The following TCF7L2 variants were observed in gnomAD, a reference collection of about 807,000 sequenced individuals.
TCF7L2 encodes the protein transcription factor 7 like 2.
A neutral mutation model predicts 77.9 loss-of-function variants in TCF7L2; 23 were observed. That is an observed-to-expected ratio of 0.30 (90% CI 0.21 to 0.42). TCF7L2 has a LOEUF of 0.42. Ranked by LOEUF, TCF7L2 falls within the 10% of genes least tolerant of loss-of-function variation. The pLI is 1.00. For missense variants in TCF7L2, 654 were observed against 793.1 expected, an observed-to-expected ratio of 0.82 and a Z score of 2.11; for synonymous variants, 413 against 340.2, an observed-to-expected ratio of 1.21 and a Z score of -2.36.
In TCF7L2 at chr10:113,080,476, C is replaced by A. The variant is rs192539497; in HGVS notation, c.552+40350C>A. 9.2e-5 allele frequency among the ~76,000 whole-genome samples: 14 copies of A among 152,192 alleles called. No homozygotes were observed. In the East Asian group the frequency reaches 1.5e-3, roughly 17 times the overall value. ...GGGGCAAGTATTGGAACCAAGGTTG[C>A]CAGCGAATGGGGCTGGCAAGTCTTT... On this transcript the variant is annotated intron_variant, in intron 5 of 13. Coordinates refer to ENST00000627217, the MANE Select transcript of TCF7L2 (RefSeq NM_001146274.2).
At chr10:113,083,035 G>C (rs2059464668) in intron 5 of TCF7L2, among the ~76,000 whole-genome samples, 1 of 152,076 alleles carries the variant, frequency 6.6e-6, no homozygotes, top group Non-Finnish European at 1.5e-5. Context: ...TTTGCCTTCT[G>C]TTTGGAGCCT....
intron 5 of TCF7L2, among the ~76,000 whole-genome samples, chr10:113,049,771 T>C (rs1301241564): frequency 3.3e-5 from 5 of 152,138 alleles, no homozygotes; most frequent in African/African-American, 4.8e-5. Flanking sequence ...TGTCACTTGA[T>C]GAAGAGGTGG....
At chr10:113,039,299 C>T (rs1038582660) in intron 4 of TCF7L2, among the ~76,000 whole-genome samples, 5 of 152,160 alleles carry the variant, frequency 3.3e-5, no homozygotes, top group African/African-American at 1.2e-4. Flanking sequence ...TATTTATTTC[C>T]TAGCTTGGAG....
intron 5 of TCF7L2, among the ~76,000 whole-genome samples, chr10:113,119,877 C>T (rs912042043): frequency 1.3e-5 from 2 of 152,120 alleles, no homozygotes; most frequent in African/African-American, 2.4e-5. Flanking sequence ...TTTTTGAAGG[C>T]GCCGCACAAA....
At chr10:113,144,086 TTCTGTGTGTGTGTCTGTGTG>T (rs1397130023) in intron 7 of TCF7L2, 61 bp downstream of exon 7, 30 of 1,340,330 alleles carry the variant, frequency 2.2e-5, no homozygotes, top group Middle Eastern at 1.8e-4. Context: ...TTATTATTTA[TTCTGTGTGTGTGTCTGTGTG>T]TGTGTGTGTG....
At chr10:112,977,498 T>G (rs1482816488) in intron 4 of TCF7L2, among the ~76,000 whole-genome samples, 1 of 152,192 alleles carries the variant, frequency 6.6e-6, no homozygotes, top group Non-Finnish European at 1.5e-5. Flanking sequence ...GTTGTTTGAA[T>G]TACCTGTTAT....
At chr10:112,990,294 A>G (rs1042155864) in intron 4 of TCF7L2, among the ~76,000 whole-genome samples, 17 of 152,126 alleles carry the variant, frequency 1.1e-4, no homozygotes, top group East Asian at 3.8e-4. Flanking sequence ...TATTCATTCA[A>G]TAACAGAGCA....
intron 5 of TCF7L2, among the ~76,000 whole-genome samples, chr10:113,071,858 C>G (rs2058061527): frequency 6.6e-6 from 1 of 152,210 alleles, no homozygotes; most frequent in African/African-American, 2.4e-5. Flanking sequence ...CCCCACCCCC[C>G]ATGAGTGGAT....
At chr10:113,115,818 T>C (rs2063660302) in intron 5 of TCF7L2, among the ~76,000 whole-genome samples, 1 of 152,146 alleles carries the variant, frequency 6.6e-6, no homozygotes, top group African/African-American at 2.4e-5. Flanking sequence ...TGGTCAGTTT[T>C]GTGAATGTGT....
At position 112,965,740 on chromosome 10, in the gene TCF7L2, C is replaced by T. The variant is rs140590970; in HGVS notation, c.450+1116C>T. Among the ~76,000 whole-genome samples, 5 of 150,682 alleles carry T rather than the reference C, an allele frequency of 3.3e-5. No individual in the cohort carries two copies. In the East Asian group the frequency reaches 7.8e-4, roughly 24 times the overall value. On this transcript the variant is annotated intron_variant, in intron 4 of 13. Coordinates refer to ENST00000627217, the MANE Select transcript of TCF7L2 (RefSeq NM_001146274.2). ...TCTGTCATCTCAGTTCTGCATCTTC[C>T]TTGATAAGACTTCCAGATAGCTGTT...
At chr10:113,119,904 C>A (rs1048040622) in intron 5 of TCF7L2, among the ~76,000 whole-genome samples, 10 of 152,282 alleles carry the variant, frequency 6.6e-5, no homozygotes, top group African/African-American at 2.2e-4. Flanking sequence ...TCTCTACCAG[C>A]GCTTGGCCTC....
rs762217447 is a variant in TCF7L2 at position 113,160,653 on chromosome 10, C to T, written c.1353C>T (p.Phe451=). ...CTCCAAAGAAGTGTCGGGCACTGTT[C>T]GGGCTTGACCGACAGACTTTATGGT... Residue 451 remains phenylalanine, a synonymous_variant, in exon 13 of 14, where the codon TTC becomes TTT. Transcript: ENST00000627217. 5.6e-6 allele frequency: 9 copies of T among 1,596,908 alleles called. No homozygotes were observed. Among genetic ancestry groups the T allele is most frequent in the Non-Finnish European group, 7.7e-6 (9 of 1,171,326 alleles).
chr10:113,054,163 A>G (rs2054947974), intron 5 of TCF7L2, among the ~76,000 whole-genome samples: 1 of 152,250 alleles, frequency 6.6e-6, no homozygotes, highest in African/African-American at 2.4e-5. Context: ...GGCAAAAGAA[A>G]GGAACCAAAA....
chr10:113,126,728 T>C (rs1355086104), intron 5 of TCF7L2: 2 of 985,784 alleles, frequency 2.0e-6, no homozygotes, highest in African/African-American at 3.5e-5. Flanking sequence ...TGCTCCCCTG[T>C]GCCGCGGGTG....
At chr10:113,096,902 G>A (rs1407022726) in intron 5 of TCF7L2, among the ~76,000 whole-genome samples, 6 of 152,154 alleles carry the variant, frequency 3.9e-5, no homozygotes, top group Non-Finnish European at 8.8e-5. Context: ...AGAGGGGGAC[G>A]TGAGGAGGCA....
chr10:113,127,742 T>A (rs2065888575), intron 5 of TCF7L2, among the ~76,000 whole-genome samples: 1 of 152,154 alleles, frequency 6.6e-6, no homozygotes, highest in Admixed American at 6.6e-5. Flanking sequence ...TGCGATGGGA[T>A]GGCAAATATC....
intron 5 of TCF7L2, among the ~76,000 whole-genome samples, chr10:113,046,915 G>T (rs1025084035): frequency 6.6e-6 from 1 of 152,082 alleles, no homozygotes; most frequent in Non-Finnish European, 1.5e-5. Context: ...TGAGCTCATA[G>T]TGCTCAGTAT....
At position 112,991,440 on chromosome 10, in the gene TCF7L2, G is replaced by A. The variant is rs567139716; in HGVS notation, c.450+26816G>A. Among the ~76,000 whole-genome samples the A allele has an allele frequency of 1.8e-4, 26 of 145,368 alleles. No individual in the cohort carries two copies. The South Asian group carries it at 1.9e-3, about 10-fold the overall frequency. The stretch of plus-strand genomic sequence containing the variant: ...GGAGAATGGCGTGAACCCGGGAGGC[G>A]GAGCTTGCAGTGAGCCGAGATCGCC... On this transcript the variant is annotated intron_variant, in intron 4 of 13. Transcript: ENST00000627217.
chr10:113,119,587 C>T (rs978783279), intron 5 of TCF7L2, among the ~76,000 whole-genome samples: 1 of 151,974 alleles, frequency 6.6e-6, no homozygotes, highest in Non-Finnish European at 1.5e-5. Context: ...AAGGTTATAA[C>T]TTGCAAGCAA....
Sources: gnomAD v4.1 joint callset for allele counts (sites outside exome capture counted in the v4.1 genomes callset) on GRCh38, gnomAD v4.1.1 for gene constraint, MANE v1.5 for transcripts, NCBI Gene and HGNC (gene_info 2026-07-23, HGNC 2026-07-21) for gene names.